The following URB1 variants were observed in gnomAD, a reference collection of about 807,000 sequenced individuals.
URB1 encodes the protein URB1 ribosome biogenesis factor.
URB1 carries 197 observed loss-of-function variants against 242.3 expected under a neutral mutation model. The observed-to-expected ratio is 0.81, with a 90% CI of 0.72 to 0.91. The LOEUF (loss-of-function observed/expected upper bound fraction) is 0.91. Among genes scored for constraint, URB1 ranks in the 40% least tolerant of loss-of-function variants. The probability of loss-of-function intolerance (pLI) is 0.00; values close to 1 mark genes in which losing one functional copy is unlikely to be tolerated. For synonymous variants in URB1, 1,153 were observed against 1,201.8 expected, an observed-to-expected ratio of 0.96 and a Z score of 0.84; for missense variants, 2,721 against 2,860.5, an observed-to-expected ratio of 0.95 and a Z score of 1.11.
intron 1 of URB1, 136 bp downstream of exon 1, chr21:32,392,631 TCA>T (rs1321952976): frequency 5.0e-6 from 6 of 1,193,644 alleles, no homozygotes; most frequent in Non-Finnish European, 6.5e-6. Flanking sequence ...GTCCTGAACC[TCA>T]GTTTTCTGCA....
chr21:32,322,854 C>T (rs1275017409), intron 32 of URB1, among the ~76,000 whole-genome samples: 2 of 152,202 alleles, frequency 1.3e-5, no homozygotes, highest in Non-Finnish European at 2.9e-5. Flanking sequence ...CCCCAGCTAC[C>T]GTCCTACAGC....
chr21:32,344,298 T>C (rs1253678893), intron 24 of URB1, among the ~76,000 whole-genome samples: 11 of 152,226 alleles, frequency 7.2e-5, no homozygotes, highest in African/African-American at 2.6e-4. Context: ...GGTAGACTAA[T>C]CAAAAAACAA....
intron 21 of URB1, 91 bp from the exon 22 acceptor site, chr21:32,347,902 C>A: frequency 7.6e-6 from 11 of 1,439,838 alleles, no homozygotes; most frequent in Non-Finnish European, 1.0e-5. Flanking sequence ...CTGTTGTTAG[C>A]GAGACAGAGA....
At position 32,350,929 on chromosome 21, in the gene URB1, G is replaced by A. The variant is rs1412982518; in HGVS notation, c.2614-7C>T. The A allele has an allele frequency of 6.5e-7, 1 of 1,542,148 alleles. No homozygotes were observed. The highest frequency in any genetic ancestry group is 1.2e-5 in the South Asian group (1 of 83,914). ...TGCCCTGTGCCTGCAGCAGCTGAGG[G>A]AGACAGCAAAAGGCCGGGGAAGAGA... On this transcript the variant is annotated splice_region_variant and splice_polypyrimidine_tract_variant and intron_variant, in intron 19 of 38. Transcript: ENST00000382751.
At position 32,314,807 on chromosome 21, in the gene URB1, CTGT is replaced by C; in HGVS notation, c.*108_*110del. ...AAAGAACTGAGCCAATGTACTGAACCTGTTGTTTCCCATGCCTTCTCTGGAAAC... is the reference window on the plus strand; with the variant it reads ...AAAGAACTGAGCCAATGTACTGAACCTGTTTCCCATGCCTTCTCTGGAAAC... On this transcript the variant is annotated 3_prime_UTR_variant, in exon 39 of 39. Transcript: ENST00000382751. The C allele has an allele frequency of 6.8e-7, 1 of 1,470,250 alleles. No individual in the cohort carries two copies. Among genetic ancestry groups the C allele is most frequent in the Non-Finnish European group, 9.2e-7 (1 of 1,088,214 alleles). 91.1% of individuals were successfully genotyped at this position (1,470,250 alleles called of 1,614,324 possible). A position where few individuals can be genotyped will look rare whatever the true frequency, so the allele number is the denominator to read the frequency against.
Position 32,321,825 on chromosome 21 carries a change from G to A in URB1, c.5460C>T (p.Ser1820=). 6.4e-7 allele frequency: 1 copy of A among 1,551,704 alleles called. No individual in the cohort carries two copies. Among genetic ancestry groups the A allele is most frequent in the South Asian group, 1.2e-5 (1 of 84,068 alleles). ...CCTGTGCTGCCTCGTCACACAGCGGGCTGTGGAAGAAGGACAGGATGATGT... is the reference window on the plus strand; with the variant it reads ...CCTGTGCTGCCTCGTCACACAGCGGACTGTGGAAGAAGGACAGGATGATGT... ...IFHIILSFFH[S]PLCDEAAQNW... is the part of the protein sequence containing the mutation. The change falls in exon 34 of 39, where the codon AGC becomes AGT. Residue 1820 remains serine (S), a synonymous_variant. Transcript: ENST00000382751.
At chr21:32,359,563 T>C (rs1234921393) in intron 14 of URB1, among the ~76,000 whole-genome samples, 2 of 152,182 alleles carry the variant, frequency 1.3e-5, no homozygotes, top group Non-Finnish European at 1.5e-5. Flanking sequence ...GACCCAGCAA[T>C]GTATCTGCAG....
intron 1 of URB1, among the ~76,000 whole-genome samples, chr21:32,391,367 AT>A (rs533413866): frequency 3.7e-4 from 51 of 137,520 alleles, no homozygotes; most frequent in African/African-American, 1.2e-3. Context: ...TTAAAGTATG[AT>A]TAAAAAAAAA....
chr21:32,372,141 A>T (rs1297199215), intron 8 of URB1, among the ~76,000 whole-genome samples: 1 of 152,214 alleles, frequency 6.6e-6, no homozygotes, highest in Non-Finnish European at 1.5e-5. Context: ...AAGCTGGCAT[A>T]ACAATGGTAC....
rs1029027032 is a variant in URB1 at position 32,385,649 on chromosome 21, G to T, written c.178C>A (p.Pro60Thr). ...EAFVSAAKKL[P>T]REDVYDVVEG... ...ACAACATCATACACATCTTCTCGTG[G>T]TAGCTTCTTGGCAGCAGACACAAAC... Residue 60 changes from proline to threonine, a missense_variant, in exon 2 of 39, where the codon CCA becomes ACA. Physicochemically the swap from Pro to Thr is conservative, Grantham distance 38 (BLOSUM62 -1). Coordinates refer to ENST00000382751, the MANE Select transcript of URB1 (RefSeq NM_014825.3). The T allele has an allele frequency of 2.6e-6, 4 of 1,551,346 alleles. No individual in the cohort carries two copies. Among genetic ancestry groups the T allele is most frequent in the Non-Finnish European group, 3.5e-6 (4 of 1,146,946 alleles).
rs2032968728 is a variant in URB1, at chr21:32,337,138, CA to C, written c.4640del (p.Leu1547ArgfsTer56). On this transcript the variant is annotated frameshift_variant, in exon 28 of 39. Coordinates refer to ENST00000382751, the MANE Select transcript of URB1 (RefSeq NM_014825.3). LOFTEE classifies it high-confidence loss of function. ...GCTTGTTCTGCTCATACGCTCGAAG[CA>C]GAAGTAAAATCTTCTGATCTACAAG... ...LSVLDQKILL[L>X]LRAYEQNKLS... 6.4e-6 allele frequency: 10 copies of C among 1,551,740 alleles called. No individual in the cohort carries two copies. Among genetic ancestry groups the C allele is most frequent in the Non-Finnish European group, 8.7e-6 (10 of 1,147,050 alleles).
chr21:32,337,600 T>A, intron 26 of URB1, 86 bp from the exon 27 acceptor site: 1 of 1,110,310 alleles, frequency 9.0e-7, no homozygotes, highest in South Asian at 1.5e-5. Context: ...CAGGCAACAT[T>A]GAAATGCTGG....
At chr21:32,359,665 A>C (rs1208264695) in intron 14 of URB1, 131 bp downstream of exon 14, 8 of 780,438 alleles carry the variant, frequency 1.0e-5, no homozygotes, top group Non-Finnish European at 1.5e-5. Context: ...GGGTCTCTCT[A>C]AAATGAGAAC....
intron 34 of URB1, 146 bp from the exon 35 acceptor site, chr21:32,320,786 G>T: frequency 1.6e-6 from 1 of 641,928 alleles, no homozygotes; most frequent in Non-Finnish European, 2.7e-6. Context: ...TCAGAGCGGT[G>T]GCCATGTACG....
chr21:32,315,137 C>T (rs2032662193), intron 38 of URB1, 38 bp from the exon 39 acceptor site: 3 of 1,457,032 alleles, frequency 2.1e-6, no homozygotes, highest in East Asian at 2.5e-5. Context: ...AGGATGCACA[C>T]CTGCTCAGCT....
intron 24 of URB1, among the ~76,000 whole-genome samples, chr21:32,342,842 A>T (rs946369964): frequency 5.9e-5 from 9 of 152,166 alleles, no homozygotes; most frequent in Non-Finnish European, 2.9e-5. Context: ...TGGACCATGC[A>T]AAGATGTTTA....
chr21:32,354,266 T>C (rs2033193794), intron 17 of URB1, among the ~76,000 whole-genome samples, 163 bp from the exon 18 acceptor site: 1 of 152,194 alleles, frequency 6.6e-6, no homozygotes, highest in South Asian at 2.1e-4. Flanking sequence ...GACAAAAACA[T>C]TGCCTATGAA....
In URB1 at chr21:32,361,943, C is replaced by G; in HGVS notation, c.1588G>C (p.Gly530Arg). The G allele has an allele frequency of 1.9e-6, 3 of 1,551,560 alleles. No individual in the cohort carries two copies. The highest frequency in any genetic ancestry group is 1.7e-6 in the Non-Finnish European group (2 of 1,146,870). ...GGGGGCCCATCGCTCCTTTTCTGCC[C>G]TTTCTTGTCATCCTGTTTGGTCTCT... is the stretch of plus-strand genomic sequence containing the variant. ...KQETKQDDKK[G>R]QKRSDGPPAA... Residue 530 changes from glycine (G) to arginine (R), a missense_variant, in exon 12 of 39, where the codon GGG becomes CGG. Transcript: ENST00000382751.
Position 32,312,286 on chromosome 21 carries a change from G to A in URB1, c.*2632C>T. The stretch of plus-strand genomic sequence containing the variant: ...AAATAAAATATATGCAAATCAAGAG[G>A]AAAAGCTGTTTGCTTACTAATCTTT... On this transcript the variant is annotated 3_prime_UTR_variant, in exon 39 of 39. Transcript: ENST00000382751. 1 of 1,358,742 alleles carries A rather than the reference G, an allele frequency of 7.4e-7. No homozygotes were observed. Among genetic ancestry groups the A allele is most frequent in the South Asian group, 1.5e-5 (1 of 64,914 alleles). The allele number at this position is 1,358,742 out of a possible 1,614,324, so 84.2% of individuals were successfully genotyped here.
Sources: allele counts gnomAD v4.1 joint callset (sites outside exome capture counted in the v4.1 genomes callset), GRCh38; gene constraint gnomAD v4.1.1; transcripts MANE v1.5; gene names NCBI Gene and HGNC (gene_info 2026-07-23, HGNC 2026-07-21).